Variants in COMMD1 observed in about 807,000 individuals in gnomAD.
COMMD1 encodes COMM domain-containing protein 1.
A neutral mutation model predicts 17.2 loss-of-function variants in COMMD1; 10 were observed. The observed-to-expected ratio is 0.58, with a 90% CI of 0.36 to 0.99. The LOEUF (loss-of-function observed/expected upper bound fraction) is 0.99, where lower values mean the gene tolerates loss of function less well. COMMD1 is among the 50% of genes least tolerant of loss of function. The pLI is 0.01. For missense variants in COMMD1, 270 were observed against 231.8 expected (o/e 1.17, Z -1.07); for synonymous variants, 97 against 91.6 (o/e 1.06, Z -0.34).
upstream of COMMD1, among the ~76,000 whole-genome samples, chr2:61,904,253 C>T (rs975309191): frequency 2.0e-5 from 3 of 152,154 alleles, no homozygotes; most frequent in Non-Finnish European, 4.4e-5. Flanking sequence ...CCTCGTGATC[C>T]GTCTGCCTCG....
At chr2:62,016,510 C>CTT (rs762996597) in intron 2 of COMMD1, among the ~76,000 whole-genome samples, 9 of 132,182 alleles carry the variant, frequency 6.8e-5, no homozygotes, top group Admixed American at 7.5e-5. Context: ...AACCCAGCCT[C>CTT]TTTTTTTTTT....
intron 1 of COMMD1, among the ~76,000 whole-genome samples, chr2:61,917,591 G>A: frequency 6.6e-6 from 1 of 151,798 alleles, no homozygotes; most frequent in Non-Finnish European, 1.5e-5. Context: ...GCAGTGCCGT[G>A]ATCTCGGCTC....
chr2:62,091,022 T>C (rs1030878080), intron 2 of COMMD1, among the ~76,000 whole-genome samples: 3 of 152,228 alleles, frequency 2.0e-5, no homozygotes, highest in African/African-American at 4.8e-5. Flanking sequence ...GTGGACCATA[T>C]GTTTTCCACA....
intron 1 of COMMD1, among the ~76,000 whole-genome samples, chr2:61,973,324 TA>T (rs1671702147): frequency 6.6e-6 from 1 of 152,184 alleles, no homozygotes; most frequent in South Asian, 2.1e-4. Flanking sequence ...TTTTTATAGA[TA>T]ATGCCAAAAT....
chr2:62,021,817 C>A (rs1669620065), intron 2 of COMMD1, among the ~76,000 whole-genome samples: 1 of 152,140 alleles, frequency 6.6e-6, no homozygotes, highest in South Asian at 2.1e-4. Context: ...TACATGCTTT[C>A]AAAAATTGGC....
At chr2:62,038,042 A>G (rs1307299164) in intron 2 of COMMD1, among the ~76,000 whole-genome samples, 2 of 152,152 alleles carry the variant, frequency 1.3e-5, no homozygotes, top group Non-Finnish European at 2.9e-5. Flanking sequence ...TAATCCCAGC[A>G]CTTTGAGAGG....
chr2:61,907,601 C>T (rs1572949293), intron 1 of COMMD1, among the ~76,000 whole-genome samples: 1 of 152,062 alleles, frequency 6.6e-6, no homozygotes, highest in African/African-American at 2.4e-5. Context: ...GCTACTTCTC[C>T]TCTCTAGGTG....
intron 1 of COMMD1, chr2:61,969,070 T>A (rs914849289): frequency 4.5e-6 from 2 of 441,378 alleles, no homozygotes; most frequent in African/African-American, 4.0e-5. Flanking sequence ...GTGATTCTCC[T>A]GCCTCAGCCT....
intron 2 of COMMD1, among the ~76,000 whole-genome samples, chr2:62,099,726 C>G (rs1672120920): frequency 6.6e-6 from 1 of 152,102 alleles, no homozygotes; most frequent in Non-Finnish European, 1.5e-5. Flanking sequence ...AGAGGTCTGT[C>G]ACCTCTGAGA....
At position 62,019,902 on chromosome 2, in the gene COMMD1, A is replaced by G. The variant is rs115354786; in HGVS notation, c.462+18920A>G. On this transcript the variant is annotated intron_variant, in intron 2 of 2. Transcript: ENST00000311832. ...GGCTCTACATTTTGAAGGAGGTGTC[A>G]GAGAATTTGTGAACATATTCTAAAT... 7.6e-3 allele frequency among the ~76,000 whole-genome samples: 1,162 copies of G among 152,344 alleles called. 13 individuals are homozygous for G. Among genetic ancestry groups the G allele is most frequent in the African/African-American group, 0.027 (1,114 of 41,568 alleles).
At chr2:61,962,758 A>G (rs1400109908) in intron 1 of COMMD1, among the ~76,000 whole-genome samples, 1 of 151,848 alleles carries the variant, frequency 6.6e-6, no homozygotes, top group Non-Finnish European at 1.5e-5. Flanking sequence ...ATTTGTCCTG[A>G]CTCCACAAGG....
intron 1 of COMMD1, among the ~76,000 whole-genome samples, chr2:61,947,556 G>C (rs972969931): frequency 3.7e-4 from 57 of 152,072 alleles, no homozygotes; most frequent in African/African-American, 1.4e-3. Flanking sequence ...GGTGGCGGGC[G>C]CCTGTAATCC....
intron 1 of COMMD1, among the ~76,000 whole-genome samples, chr2:61,919,997 C>A (rs754347990): frequency 8.5e-5 from 13 of 152,130 alleles, no homozygotes; most frequent in Non-Finnish European, 1.5e-4. Flanking sequence ...GGCATACTAG[C>A]CCATGTCTGT....
intron 1 of COMMD1, among the ~76,000 whole-genome samples, chr2:61,894,660 AATG>A (rs977122583): frequency 2.0e-5 from 3 of 151,146 alleles, no homozygotes; most frequent in African/African-American, 7.3e-5. Flanking sequence ...AAAAAAATAG[AATG>A]ATGATATATA....
At chr2:62,032,249 C>T (rs867535596) in intron 2 of COMMD1, among the ~76,000 whole-genome samples, 1 of 152,172 alleles carries the variant, frequency 6.6e-6, no homozygotes, top group African/African-American at 2.4e-5. Flanking sequence ...AAACCACTGA[C>T]TCATGACCAG....
At chr2:62,037,226 A>G (rs984231322) in intron 2 of COMMD1, among the ~76,000 whole-genome samples, 4 of 152,222 alleles carry the variant, frequency 2.6e-5, no homozygotes, top group African/African-American at 4.8e-5. Context: ...CTACAATAGA[A>G]TAGCTCATAA....
chr2:62,119,573 A>G (rs1000935084), intron 2 of COMMD1, among the ~76,000 whole-genome samples: 15 of 152,286 alleles, frequency 9.8e-5, no homozygotes, highest in African/African-American at 3.6e-4. Context: ...CCCTCCTTAC[A>G]TAGCTTTATT....
chr2:61,909,372 A>G (rs148671106), intron 1 of COMMD1, among the ~76,000 whole-genome samples: 57 of 152,350 alleles, frequency 3.7e-4, no homozygotes, highest in African/African-American at 1.3e-3. Flanking sequence ...ATTAAGAGAT[A>G]TCAGTTCTTT....
rs1572982616 is a variant in COMMD1 at position 61,939,610 on chromosome 2, G to C, written c.180+33752G>C. Among the ~76,000 whole-genome samples, 3 of 152,090 alleles carry C rather than the reference G, an allele frequency of 2.0e-5. No individual in the cohort carries two copies. In the South Asian group the frequency reaches 6.2e-4, roughly 32 times the overall value. ...TGTCTCCAGTTGTTTTGTTCTAAAA[G>C]ACTCTTACTGAACTTATGCAAATAA... is the stretch of plus-strand genomic sequence containing the variant. On this transcript the variant is annotated intron_variant, in intron 1 of 2. Coordinates refer to ENST00000311832, the MANE Select transcript of COMMD1 (RefSeq NM_152516.4).
Sources: gnomAD v4.1 joint callset for allele counts (sites outside exome capture counted in the v4.1 genomes callset) on GRCh38, gnomAD v4.1.1 for gene constraint, MANE v1.5 for transcripts, NCBI Gene and HGNC (gene_info 2026-07-23, HGNC 2026-07-21) for gene names.